Variants in CCDC88A observed in about 807,000 individuals in gnomAD.
CCDC88A encodes the protein girdin.
Under a neutral mutation model 234.3 loss-of-function variants are expected in CCDC88A, and 54 were observed. The ratio of observed to expected loss-of-function variants is 0.23; its 90% CI spans 0.19 to 0.29. The LOEUF (loss-of-function observed/expected upper bound fraction) is 0.29. CCDC88A is among the 10% of genes least tolerant of loss of function. The pLI is 1.00. For synonymous variants in CCDC88A, 753 were observed against 737.8 expected, an observed-to-expected ratio of 1.02 and a Z score of -0.33; for missense variants, 1,832 against 2,123.4, an observed-to-expected ratio of 0.86 and a Z score of 2.70.
chr2:55,336,805 T>G lies in CCDC88A; in HGVS notation c.1532A>C (p.Glu511Ala). 1 of 1,575,352 alleles carries G rather than the reference T, an allele frequency of 6.3e-7. No individual in the cohort carries two copies. Among genetic ancestry groups the G allele is most frequent in the Non-Finnish European group, 8.7e-7 (1 of 1,153,660 alleles). ...QRLSKKVEILENEIVQEKQSL... is the reference protein window; with the variant it reads ...QRLSKKVEILANEIVQEKQSL... ...TTGCTTTTCTTGAACAATCTCATTT[T>G]CAAGAATCTCAACCTAGAGAAAATT... The change falls in exon 14 of 33, where the codon GAA (glutamate) becomes GCA (alanine). Residue 511 changes from glutamate (E) to alanine (A), a missense_variant. Glu to Ala is a moderately radical substitution (Grantham distance 107). This residue lies in a region of CCDC88A where 1,282 missense variants were observed against 1,543.6 expected (regional missense o/e 0.83). Coordinates refer to ENST00000436346, the MANE Select transcript of CCDC88A (RefSeq NM_001365480.1).
At position 55,374,846 on chromosome 2, in the gene CCDC88A, T is replaced by C; in HGVS notation, c.311A>G (p.Asn104Ser). 1.9e-6 allele frequency: 3 copies of C among 1,609,032 alleles called. No individual in the cohort carries two copies. The highest frequency in any genetic ancestry group is 2.6e-6 in the Non-Finnish European group (3 of 1,176,170). Residue 104 changes from asparagine (N) to serine (S), a missense_variant, in exon 4 of 33, where the codon AAT (asparagine) becomes AGT (serine). Around this residue, in one of 6 missense-constraint regions of CCDC88A, gnomAD observed 84 missense variants for 80.9 expected, o/e 1.04. Coordinates refer to ENST00000436346, the MANE Select transcript of CCDC88A (RefSeq NM_001365480.1). ...LQQLIMMSLPNVLIIGKNPFS... is the reference protein window; with the variant it reads ...LQQLIMMSLPSVLIIGKNPFS... ...GGGATTTTTGCCAATGATTAAGACA[T>C]TTGGCAACGACATCATGATCAATTG...
intron 7 of CCDC88A, among the ~76,000 whole-genome samples, chr2:55,359,304 G>T (rs1041630206): frequency 6.6e-6 from 1 of 151,934 alleles, no homozygotes; most frequent in African/African-American, 2.4e-5. Context: ...AGTAGGTGGT[G>T]AAATGGAGAT....
intron 3 of CCDC88A, among the ~76,000 whole-genome samples, chr2:55,380,710 G>C (rs895756525): frequency 1.3e-5 from 2 of 152,090 alleles, no homozygotes; most frequent in East Asian, 1.9e-4. Context: ...CTGCCTCCTG[G>C]GTTCAAGTGA....
chr2:55,312,637 T>C, intron 22 of CCDC88A, 58 bp from the exon 23 acceptor site: 1 of 1,239,964 alleles, frequency 8.1e-7, no homozygotes, highest in Non-Finnish European at 1.2e-6. Flanking sequence ...ATAAATCAAC[T>C]GAAAAATATG....
At chr2:55,338,071 A>T (rs1429619710) in intron 13 of CCDC88A, among the ~76,000 whole-genome samples, 4 of 152,204 alleles carry the variant, frequency 2.6e-5, no homozygotes, top group Admixed American at 6.5e-5. Flanking sequence ...CATTCAGTTT[A>T]TAAAAAAATC....
rs1391261800 is a variant in CCDC88A at position 55,290,283 on chromosome 2, T to C, written c.*917A>G. The stretch of plus-strand genomic sequence containing the variant: ...CTGGCAAAATGCAGATCATAGTAAC[T>C]TATTTACATTATTTTTGCCATAAGA... On this transcript the variant is annotated 3_prime_UTR_variant, in exon 33 of 33. Coordinates refer to ENST00000436346, the MANE Select transcript of CCDC88A (RefSeq NM_001365480.1). 2 of 152,338 alleles carry C rather than the reference T, an allele frequency of 1.3e-5. No individual in the cohort carries two copies. Among genetic ancestry groups the C allele is most frequent in the East Asian group, 3.9e-4 (2 of 5,186 alleles). 9.4% of individuals were successfully genotyped at this position (152,338 alleles called of 1,614,324 possible).
intron 3 of CCDC88A, among the ~76,000 whole-genome samples, chr2:55,383,990 C>T (rs751391326): frequency 8.6e-5 from 13 of 151,304 alleles, no homozygotes; most frequent in Non-Finnish European, 4.4e-5. Context: ...CTATGAGCTA[C>T]GACCATGCCA....
At chr2:55,349,207 G>A (rs1460081137) in intron 9 of CCDC88A, 1 of 279,818 alleles carries the variant, frequency 3.6e-6, no homozygotes, top group African/African-American at 2.2e-5. Flanking sequence ...AAAGAGCACA[G>A]TTTACAGTAG....
At chr2:55,386,651 T>C (rs1386609321) in intron 3 of CCDC88A, among the ~76,000 whole-genome samples, 1 of 151,504 alleles carries the variant, frequency 6.6e-6, no homozygotes, top group Non-Finnish European at 1.5e-5. Context: ...TTTGTATTTT[T>C]AGTAGAGACA....
chr2:55,380,194 C>T (rs1009468277), intron 3 of CCDC88A, among the ~76,000 whole-genome samples: 17 of 151,914 alleles, frequency 1.1e-4, no homozygotes, highest in Middle Eastern at 3.4e-3. Flanking sequence ...CAAGATTGCA[C>T]CACTGCACTC....
intron 23 of CCDC88A, among the ~76,000 whole-genome samples, chr2:55,310,434 T>C (rs1452431041): frequency 6.6e-6 from 1 of 152,070 alleles, no homozygotes; most frequent in Non-Finnish European, 1.5e-5. Flanking sequence ...ATACAAAAAT[T>C]AGCAGCATGC....
At chr2:55,401,295 A>C (rs781556025) in intron 2 of CCDC88A, among the ~76,000 whole-genome samples, 26 of 150,756 alleles carry the variant, frequency 1.7e-4, no homozygotes, top group Non-Finnish European at 3.0e-4. Context: ...TTAGCTGGGG[A>C]CAGTGGTGTG....
At position 55,419,807 on chromosome 2, in the gene CCDC88A, C is replaced by T. The variant is rs1027200685; in HGVS notation, c.-728G>A. ...TCTCTGGGAATCCCTGGCACAAAAT[C>T]ACCGCCGCGCTCCAGCCTTCTCCGC... is the stretch of plus-strand genomic sequence containing the variant. On this transcript the variant is annotated 5_prime_UTR_variant, in exon 1 of 33. Transcript: ENST00000436346. 1.3e-5 allele frequency: 2 copies of T among 152,614 alleles called. No homozygotes were observed. Among genetic ancestry groups the T allele is most frequent in the Admixed American group, 6.5e-5 (1 of 15,278 alleles). 9.5% of individuals were successfully genotyped at this position (152,614 alleles called of 1,614,324 possible).
rs746853482 is a variant in CCDC88A at position 55,291,706 on chromosome 2, T to C, written c.*5A>G. 43 of 1,597,640 alleles carry C rather than the reference T, an allele frequency of 2.7e-5. No individual in the cohort carries two copies. The highest frequency in any genetic ancestry group is 3.1e-5 in the Non-Finnish European group (36 of 1,167,242). On this transcript the variant is annotated 3_prime_UTR_variant, in exon 32 of 33. Transcript: ENST00000436346. ...GGCCCACATGTCATGTAGTGGGTAA[T>C]AGAATTAGGAGCTTTGTTGCTCCCT...
intron 7 of CCDC88A, 124 bp downstream of exon 7, chr2:55,362,183 CA>C: frequency 5.8e-6 from 4 of 691,464 alleles, no homozygotes; most frequent in South Asian, 2.7e-5. Context: ...GTGTTCCACA[CA>C]AAAAAAGACA....
rs138222619 is a variant in CCDC88A at position 55,362,098 on chromosome 2, A to T, written c.627+210T>A. 497 of 399,574 alleles carry T rather than the reference A, an allele frequency of 1.2e-3. 3 individuals carry two copies. The highest frequency in any genetic ancestry group is 9.3e-3 in the African/African-American group (449 of 48,172). 24.8% of individuals were successfully genotyped at this position (399,574 alleles called of 1,614,324 possible). A position where few individuals can be genotyped will look rare whatever the true frequency, so the allele number is the denominator to read the frequency against. Reference sequence around the variant, plus strand: ...AATCAGAATAATACTAATTTAAAAGAAAAGGAGAAGAGAAAACCTAACTGC... The same window carrying T: ...AATCAGAATAATACTAATTTAAAAGTAAAGGAGAAGAGAAAACCTAACTGC... On this transcript the variant is annotated intron_variant, in intron 7 of 32. Coordinates refer to ENST00000436346, the MANE Select transcript of CCDC88A (RefSeq NM_001365480.1).
At chr2:55,356,052 T>C (rs182609022) in intron 7 of CCDC88A, 76 of 176,336 alleles carry the variant, frequency 4.3e-4, no homozygotes, top group Non-Finnish European at 7.8e-4. Context: ...GTTTGTTACA[T>C]AGGTAAATGT....
At chr2:55,358,036 T>C (rs973958915) in intron 7 of CCDC88A, among the ~76,000 whole-genome samples, 1 of 152,168 alleles carries the variant, frequency 6.6e-6, no homozygotes, top group African/African-American at 2.4e-5. Flanking sequence ...TTTTACTCAG[T>C]CCAAGAGATT....
In CCDC88A at chr2:55,362,378, A is replaced by T. The variant is rs775965054; in HGVS notation, c.557T>A (p.Ile186Lys). The stretch of plus-strand genomic sequence containing the variant: ...TGCCATATTTTTCAAGAGTGGTTCT[A>T]TGTCCTCCTGCGACATATCAGTCAC... Reference protein sequence around the residue: ...MEVTDMSQEDIEPLLKNMALH... With the variant: ...MEVTDMSQEDKEPLLKNMALH... Residue 186 changes from isoleucine to lysine, a missense_variant, in exon 7 of 33, where the codon ATA (isoleucine) becomes AAA (lysine). This residue lies in a region of CCDC88A where 1,282 missense variants were observed against 1,543.6 expected (regional missense o/e 0.83). Coordinates refer to ENST00000436346, the MANE Select transcript of CCDC88A (RefSeq NM_001365480.1). 6.2e-7 allele frequency: 1 copy of T among 1,603,694 alleles called. No individual in the cohort carries two copies. The highest frequency in any genetic ancestry group is 8.5e-7 in the Non-Finnish European group (1 of 1,175,920).
Sources: gnomAD v4.1 joint callset for allele counts (sites outside exome capture counted in the v4.1 genomes callset) on GRCh38, gnomAD v4.1.1 for gene constraint, gnomAD v4.1.1 regional missense constraint, MANE v1.5 for transcripts, NCBI Gene and HGNC (gene_info 2026-07-23, HGNC 2026-07-21) for gene names.